The following MYO15A variants were observed in gnomAD, a reference collection of about 807,000 sequenced individuals.
The protein encoded by MYO15A is myosin XVA.
A neutral mutation model predicts 394.6 loss-of-function variants in MYO15A; 308 were observed. The ratio of observed to expected loss-of-function variants is 0.78; its 90% CI spans 0.71 to 0.86. The LOEUF is 0.86. MYO15A is among the 40% of genes least tolerant of loss of function. The pLI is 0.00. For synonymous variants in MYO15A, 1,957 were observed against 2,003.8 expected (o/e 0.98, Z 0.62); for missense variants, 4,606 against 4,799.1 (o/e 0.96, Z 1.19).
At position 18,121,926 on chromosome 17, in the gene MYO15A, G is replaced by C. The variant is rs1302057189; in HGVS notation, c.3126G>C (p.Lys1042Asn). The C allele has an allele frequency of 2.5e-6, 4 of 1,613,172 alleles. No homozygotes were observed. The highest frequency in any genetic ancestry group is 3.4e-6 in the Non-Finnish European group (4 of 1,179,890). ...PAPPKDVTPPKDITPPKDVLP... is the reference protein window; with the variant it reads ...PAPPKDVTPPNDITPPKDVLP... ...CTCCCAAGGATGTCACTCCCCCCAAGGATATCACTCCCCCCAAGGATGTCC... is the reference window on the plus strand; with the variant it reads ...CTCCCAAGGATGTCACTCCCCCCAACGATATCACTCCCCCCAAGGATGTCC... The change falls in exon 2 of 66, where the codon AAG becomes AAC. Residue 1042 changes from lysine (K) to asparagine (N), a missense_variant. This residue lies in a region of MYO15A where 1,830 missense variants were observed against 1,689.7 expected (regional missense o/e 1.08). Coordinates refer to ENST00000647165, the MANE Select transcript of MYO15A (RefSeq NM_016239.4). The surrounding 1 kb of genome is among the most constrained non-coding windows in gnomAD (Gnocchi z 5.3).
Position 18,148,144 on chromosome 17 carries a change from A to T in MYO15A, c.6625A>T (p.Thr2209Ser), listed in dbSNP as rs1025311778. 1 of 1,613,630 alleles carries T rather than the reference A, an allele frequency of 6.2e-7. No homozygotes were observed. Among genetic ancestry groups the T allele is most frequent in the East Asian group, 2.2e-5 (1 of 44,862 alleles). ...GGGGGCTGCCCGCACCTTACCCCCG[A>T]CCCAGCTCGAGTGGACAGCGACCTA... Reference protein sequence around the residue: ...GSGAARTLPPTQLEWTATYEK... With the variant: ...GSGAARTLPPSQLEWTATYEK... Residue 2209 changes from threonine (T) to serine (S), a missense_variant, in exon 31 of 66, where the codon ACC becomes TCC. Thr to Ser is a moderately conservative substitution (Grantham distance 58, BLOSUM62 1). This residue lies in a region of MYO15A where 2,776 missense variants were observed against 3,109.3 expected (regional missense o/e 0.89). Coordinates refer to ENST00000647165, the MANE Select transcript of MYO15A (RefSeq NM_016239.4). The surrounding 1 kb of genome is among the most constrained non-coding windows in gnomAD (Gnocchi z 4.8).
chr17:18,122,202 C>A lies in MYO15A; in HGVS notation c.3402C>A (p.Thr1134=). ...LSSFQRVGPA[T]LKPQVQPIQD... is the part of the protein sequence containing the mutation. ...CTTTCCAGCGAGTTGGGCCTGCAAC[C>A]CTGAAGCCTCAAGTCCAGCCCATTC... Residue 1134 remains threonine (T), a synonymous_variant, in exon 2 of 66, where the codon ACC becomes ACA. Transcript: ENST00000647165. 3 of 1,613,184 alleles carry A rather than the reference C, an allele frequency of 1.9e-6. No individual in the cohort carries two copies. Among genetic ancestry groups the A allele is most frequent in the Non-Finnish European group, 2.5e-6 (3 of 1,180,024 alleles).
chr17:18,122,085 G>A lies in MYO15A; in HGVS notation c.3285G>A (p.Arg1095=). ...PQAAAPLAPI[R]APEPLPKGGE... ...CCGCAGCCCCCTTGGCGCCCATCAG[G>A]GCCCCAGAGCCCCTGCCCAAGGGGG... is the stretch of plus-strand genomic sequence containing the variant. The change falls in exon 2 of 66, where the codon AGG becomes AGA. Residue 1095 remains arginine, a synonymous_variant. Coordinates refer to ENST00000647165, the MANE Select transcript of MYO15A (RefSeq NM_016239.4). The A allele has an allele frequency of 6.2e-7, 1 of 1,612,806 alleles. No homozygotes were observed. The highest frequency in any genetic ancestry group is 8.5e-7 in the Non-Finnish European group (1 of 1,179,938).
At chr17:18,141,947 C>T in intron 23 of MYO15A, 132 bp from the exon 24 acceptor site, 1 of 1,273,852 alleles carries the variant, frequency 7.9e-7, no homozygotes, top group Non-Finnish European at 1.1e-6. Flanking sequence ...TCTCCAAGTC[C>T]ACCCCATCCC....
intron 48 of MYO15A, 146 bp downstream of exon 48, chr17:18,156,482 C>A (rs552881862): frequency 1.0e-5 from 10 of 982,910 alleles, no homozygotes; most frequent in Non-Finnish European, 1.5e-5. Flanking sequence ...CTTGGAATAC[C>A]CTTTCTCCCT....
At chr17:18,124,342 TGAG>T in intron 2 of MYO15A, 138 bp from the exon 3 acceptor site, 1 of 778,884 alleles carries the variant, frequency 1.3e-6, no homozygotes, top group East Asian at 2.7e-5. Flanking sequence ...CATTCTGTAA[TGAG>T]GAGACCTGCA....
intron 3 of MYO15A, 159 bp downstream of exon 3, chr17:18,124,724 A>G: frequency 1.4e-6 from 1 of 709,718 alleles, no homozygotes; most frequent in Non-Finnish European, 2.3e-6. Context: ...GTGCTTTGTG[A>G]GTTAGACGGA....
chr17:18,157,960 AG>A (rs1396030941), intron 51 of MYO15A, 60 bp downstream of exon 51: 54 of 1,442,364 alleles, frequency 3.7e-5, no homozygotes, highest in South Asian at 3.0e-4. Flanking sequence ...CCGCTGCAGA[AG>A]GGGTGAGGCG....
At chr17:18,170,144 C>G (rs2046918840) in intron 62 of MYO15A, among the ~76,000 whole-genome samples, 1 of 152,050 alleles carries the variant, frequency 6.6e-6, no homozygotes, top group Admixed American at 6.5e-5. Context: ...CTCTGGAAGA[C>G]TCCACTGTAC....
intron 65 of MYO15A, 86 bp downstream of exon 65, chr17:18,174,007 C>G: frequency 1.3e-6 from 2 of 1,519,828 alleles, no homozygotes; most frequent in Non-Finnish European, 1.8e-6. Context: ...CTGCCATGCC[C>G]CAGGGAGTAT....
chr17:18,137,599 A>T lies in MYO15A; in HGVS notation c.4795A>T (p.Ser1599Cys). The T allele has an allele frequency of 1.2e-6, 2 of 1,613,974 alleles. No individual in the cohort carries two copies. Among genetic ancestry groups the T allele is most frequent in the Non-Finnish European group, 1.7e-6 (2 of 1,180,010 alleles). ...CACCTGGCAGGACCTGAGCTTCAAC[A>T]GCTTTGAGCAGCTGTGTATTAACTA... The part of the protein sequence containing the change: ...IYGFEDLSFN[S>C]FEQLCINYAN... The change falls in exon 16 of 66, where the codon AGC (serine) becomes TGC (cysteine). Residue 1599 changes from serine (S) to cysteine (C), a missense_variant. Coordinates refer to ENST00000647165, the MANE Select transcript of MYO15A (RefSeq NM_016239.4).
At chr17:18,145,638 C>T (rs967715603) in intron 29 of MYO15A, among the ~76,000 whole-genome samples, 1 of 152,024 alleles carries the variant, frequency 6.6e-6, no homozygotes, top group Admixed American at 6.6e-5. Flanking sequence ...CACTTAGGCC[C>T]GGGGAAGTTG....
At position 18,142,088 on chromosome 17, in the gene MYO15A, A is replaced by T. The variant is rs760303777; in HGVS notation, c.5659A>T (p.Lys1887Ter). Residue 1887 changes from lysine (K) to a stop codon, truncating the protein, a stop_gained, in exon 24 of 66, where the codon AAG (lysine) becomes TAG (stop). Transcript: ENST00000647165. LOFTEE classifies it high-confidence loss of function. ...YRVGVSKLFL[K>*]EHLYQLLESM... ...TTCCTCCTGTCCTTAGCTGTTCCTT[A>T]AGGAACACCTATACCAGCTGCTGGA... 6.2e-7 allele frequency: 1 copy of T among 1,612,874 alleles called. No individual in the cohort carries two copies. Among genetic ancestry groups the T allele is most frequent in the African/African-American group, 1.3e-5 (1 of 75,016 alleles).
chr17:18,155,489 G>A, intron 47 of MYO15A, 57 bp downstream of exon 47: 1 of 1,483,698 alleles, frequency 6.7e-7, no homozygotes, highest in East Asian at 2.3e-5. Context: ...ACTGGCATCG[G>A]CATTTCCTTC....
At chr17:18,142,027 T>C in intron 23 of MYO15A, 52 bp from the exon 24 acceptor site, 4 of 1,600,818 alleles carry the variant, frequency 2.5e-6, no homozygotes, top group Non-Finnish European at 3.4e-6. Flanking sequence ...GAGGGGCCCT[T>C]AGTCCAGCCT....
intron 4 of MYO15A, 63 bp from the exon 5 acceptor site, chr17:18,126,284 G>A (rs1373568220): frequency 6.8e-6 from 9 of 1,332,014 alleles, no homozygotes; most frequent in Admixed American, 5.1e-5. Context: ...CCCAGCATAG[G>A]GGAGGGAGGG....
rs759046056 is a variant in MYO15A at position 18,117,265 on chromosome 17, T to C, written c.-219-1317T>C. On this transcript the variant is annotated intron_variant, in intron 1 of 65. Coordinates refer to ENST00000647165, the MANE Select transcript of MYO15A (RefSeq NM_016239.4). This position sits in a 1 kb window ranked among gnomAD's most constrained non-coding sequence, Gnocchi z 4.1. ...GAGGAAAGTGAAGAGCCAGAGAAAG[T>C]GAGCAGGGGGAAGAGGCAGACAGAG... Among the ~76,000 whole-genome samples the C allele has an allele frequency of 2.0e-5, 3 of 152,038 alleles. No homozygotes were observed. Among genetic ancestry groups the C allele is most frequent in the Admixed American group, 6.5e-5 (1 of 15,282 alleles).
chr17:18,162,987 G>A (rs552898707), intron 58 of MYO15A, among the ~76,000 whole-genome samples: 50 of 152,274 alleles, frequency 3.3e-4, no homozygotes, highest in African/African-American at 1.2e-3. Flanking sequence ...GTGACAGAGC[G>A]AGACTCCATG....
rs1211555601 is a variant in MYO15A at position 18,136,187 on chromosome 17, A to G, written c.4597-230A>G. Among the ~76,000 whole-genome samples, 3 of 152,016 alleles carry G rather than the reference A, an allele frequency of 2.0e-5. No homozygotes were observed. The South Asian group carries it at 6.2e-4, about 32-fold the overall frequency. ...CCCTTCCCAGGGTTGATCTCATTGT[A>G]TCTGCTGATGCCTCTGTCTCCCCCA... On this transcript the variant is annotated intron_variant, in intron 13 of 65. Transcript: ENST00000647165.
Sources: allele counts gnomAD v4.1 joint callset (sites outside exome capture counted in the v4.1 genomes callset), GRCh38; gene constraint gnomAD v4.1.1; regional missense constraint gnomAD v4.1.1; non-coding constraint Gnocchi (gnomAD v3.1); transcripts MANE v1.5; gene names NCBI Gene and HGNC (gene_info 2026-07-23, HGNC 2026-07-21).